The following REV3L variants were observed in gnomAD, a reference collection of about 807,000 sequenced individuals.
REV3L encodes the protein DNA polymerase zeta catalytic subunit.
REV3L carries 69 observed loss-of-function variants against 299.4 expected under a neutral mutation model. That is an observed-to-expected ratio of 0.23 (90% CI 0.19 to 0.28). The LOEUF (loss-of-function observed/expected upper bound fraction) is 0.28. REV3L is among the 10% of genes least tolerant of loss of function. The pLI, the probability that REV3L is intolerant of heterozygous loss-of-function variation, is 1.00. For synonymous variants in REV3L, 1,238 were observed against 1,271.4 expected (o/e 0.97, Z 0.56); for missense variants, 3,128 against 3,693.8 (o/e 0.85, Z 3.97).
chr6:111,358,799 T>C, intron 17 of REV3L, 23 bp downstream of exon 17: 4 of 1,572,800 alleles, frequency 2.5e-6, no homozygotes, highest in Non-Finnish European at 3.5e-6. Flanking sequence ...GGCAGGTATA[T>C]CATTAATAAA....
chr6:111,380,640 C>A (rs181320839), intron 10 of REV3L, among the ~76,000 whole-genome samples: 21 of 152,326 alleles, frequency 1.4e-4, no homozygotes, highest in African/African-American at 5.1e-4. Context: ...TGAAAGAATA[C>A]AGTTGGTACA....
intron 26 of REV3L, among the ~76,000 whole-genome samples, chr6:111,319,559 A>G (rs1354596945): frequency 6.6e-6 from 1 of 152,180 alleles, no homozygotes; most frequent in African/African-American, 2.4e-5. Flanking sequence ...GGGTACAAAA[A>G]TGTAGTTAGA....
At chr6:111,404,187 G>A (rs988450119) in intron 4 of REV3L, among the ~76,000 whole-genome samples, 2 of 152,112 alleles carry the variant, frequency 1.3e-5, no homozygotes, top group Non-Finnish European at 2.9e-5. Context: ...GAAAATCCTA[G>A]GGCCCTTAAG....
intron 16 of REV3L, among the ~76,000 whole-genome samples, chr6:111,362,380 A>G (rs1273316414): frequency 6.6e-6 from 1 of 152,234 alleles, no homozygotes; most frequent in East Asian, 1.9e-4. Context: ...AGTTTACAAC[A>G]GAATTGACTT....
At chr6:111,318,603 C>G (rs985502178) in intron 26 of REV3L, among the ~76,000 whole-genome samples, 16 of 151,900 alleles carry the variant, frequency 1.1e-4, no homozygotes, top group Admixed American at 2.0e-4. Context: ...TGGAGTTTTG[C>G]TCTTGTTGCC....
At chr6:111,339,956 A>C (rs1190915173) in intron 21 of REV3L, among the ~76,000 whole-genome samples, 6 of 152,170 alleles carry the variant, frequency 3.9e-5, no homozygotes, top group Non-Finnish European at 8.8e-5. Context: ...TAATAAATAC[A>C]AGTTTTGATC....
At chr6:111,447,276 G>A (rs1346528754) in intron 1 of REV3L, among the ~76,000 whole-genome samples, 1 of 152,138 alleles carries the variant, frequency 6.6e-6, no homozygotes, top group Non-Finnish European at 1.5e-5. Flanking sequence ...AGTAAACCGG[G>A]ATGCCCTCGT....
intron 2 of REV3L, among the ~76,000 whole-genome samples, chr6:111,413,308 G>A (rs745399262): frequency 2.4e-4 from 36 of 152,076 alleles, no homozygotes; most frequent in Admixed American, 1.3e-4. Context: ...GTAGAATGGA[G>A]GAGTATGAAA....
At position 111,483,032 on chromosome 6, in the gene REV3L, G is replaced by C; in HGVS notation, c.-144C>G. ...CCCTCACACAGAGGCACCTCGAGGA[G>C]CGGCGGGCGGGGCGGTGTAGGCGCT... On this transcript the variant is annotated 5_prime_UTR_variant, in exon 1 of 32. Coordinates refer to ENST00000368802, the MANE Select transcript of REV3L (RefSeq NM_001372078.1). The C allele has an allele frequency of 9.5e-7, 1 of 1,056,476 alleles. No individual in the cohort carries two copies. Among genetic ancestry groups the C allele is most frequent in the Non-Finnish European group, 1.3e-6 (1 of 798,030 alleles). 65.4% of individuals were successfully genotyped at this position (1,056,476 alleles called of 1,614,324 possible).
rs532142547 is a variant in REV3L, at chr6:111,348,769, C to A, written c.7419+449G>T. Among the ~76,000 whole-genome samples the A allele has an allele frequency of 2.0e-4, 31 of 152,358 alleles. No individual in the cohort carries two copies. In the South Asian group the frequency reaches 6.0e-3, roughly 30 times the overall value. Reference sequence around the variant, plus strand: ...AGCTCAAGTGATTCTCCCACCTCAGCCTCCCAAGTAGCTGGGACCACAGGC... The same window carrying A: ...AGCTCAAGTGATTCTCCCACCTCAGACTCCCAAGTAGCTGGGACCACAGGC... On this transcript the variant is annotated intron_variant, in intron 20 of 31. Coordinates refer to ENST00000368802, the MANE Select transcript of REV3L (RefSeq NM_001372078.1).
intron 1 of REV3L, among the ~76,000 whole-genome samples, chr6:111,474,109 G>A (rs561811493): frequency 6.6e-6 from 1 of 152,248 alleles, no homozygotes; most frequent in East Asian, 1.9e-4. Flanking sequence ...AAGTGTTATG[G>A]TAGATATTTT....
chr6:111,322,668 C>T lies in REV3L; in HGVS notation c.8252G>A (p.Ser2751Asn). Residue 2751 changes from serine to asparagine, a missense_variant, in exon 26 of 32, where the codon AGT becomes AAT. Around this residue, in one of 9 missense-constraint regions of REV3L, gnomAD observed 37 missense variants for 100.1 expected, o/e 0.37. Coordinates refer to ENST00000368802, the MANE Select transcript of REV3L (RefSeq NM_001372078.1). ...GGTCTCTCTGGCTTTGTGAACAATACTATCGCCAACCTGTTGGTACAAACA... is the reference window on the plus strand; with the variant it reads ...GGTCTCTCTGGCTTTGTGAACAATATTATCGCCAACCTGTTGGTACAAACA... ...GRMPCIEVGD[S>N]IVHKARETLE... The T allele has an allele frequency of 6.2e-7, 1 of 1,613,690 alleles. No homozygotes were observed. Among genetic ancestry groups the T allele is most frequent in the Non-Finnish European group, 8.5e-7 (1 of 1,179,616 alleles).
chr6:111,308,489 T>C (rs954684140), intron 30 of REV3L, among the ~76,000 whole-genome samples: 33 of 152,150 alleles, frequency 2.2e-4, no homozygotes, highest in African/African-American at 7.5e-4. Flanking sequence ...AAAAACAGAA[T>C]GGTTGTATGG....
intron 4 of REV3L, among the ~76,000 whole-genome samples, chr6:111,404,613 G>C (rs1783430766): frequency 2.0e-5 from 3 of 152,082 alleles, no homozygotes; most frequent in African/African-American, 7.2e-5. Context: ...AGGCTGCTCT[G>C]GTCTGTAACT....
intron 1 of REV3L, among the ~76,000 whole-genome samples, chr6:111,476,665 A>C (rs2128342415): frequency 6.6e-6 from 1 of 152,322 alleles, no homozygotes; most frequent in East Asian, 1.9e-4. Context: ...ATGTGCCAAA[A>C]CCATGTTACT....
intron 1 of REV3L, among the ~76,000 whole-genome samples, chr6:111,475,018 CACACAT>C (rs936166409): frequency 2.3e-5 from 3 of 131,130 alleles, no homozygotes; most frequent in African/African-American, 7.6e-5. Context: ...CACACACACA[CACACAT>C]ATGGATTTTA....
At chr6:111,472,224 T>G in intron 1 of REV3L, 1 of 702,694 alleles carries the variant, frequency 1.4e-6, no homozygotes, top group Non-Finnish European at 2.0e-6. Flanking sequence ...ATTTTTCACA[T>G]ATCAACATGT....
chr6:111,402,869 A>G (rs1783232709), intron 4 of REV3L, among the ~76,000 whole-genome samples: 1 of 152,204 alleles, frequency 6.6e-6, no homozygotes, highest in Non-Finnish European at 1.5e-5. Flanking sequence ...AGAAAAGGCA[A>G]AAGATGCTAA....
At chr6:111,434,948 G>C (rs1175013957) in intron 1 of REV3L, among the ~76,000 whole-genome samples, 1 of 152,004 alleles carries the variant, frequency 6.6e-6, no homozygotes, top group Non-Finnish European at 1.5e-5. Context: ...ACTCACGCCT[G>C]TATCCCAGCA....
Sources: gnomAD v4.1 joint callset for allele counts (sites outside exome capture counted in the v4.1 genomes callset) on GRCh38, gnomAD v4.1.1 for gene constraint, gnomAD v4.1.1 regional missense constraint, MANE v1.5 for transcripts, NCBI Gene and HGNC (gene_info 2026-07-23, HGNC 2026-07-21) for gene names.